Variants in MUC5AC observed in about 807,000 individuals in gnomAD.
The protein encoded by MUC5AC is mucin 5AC, oligomeric mucus/gel-forming.
MUC5AC carries 158 observed loss-of-function variants against 169.7 expected under a neutral mutation model. That is an observed-to-expected ratio of 0.93 (90% CI 0.82 to 1.06). The LOEUF (loss-of-function observed/expected upper bound fraction) is 1.06. MUC5AC is among the 50% of genes least tolerant of loss of function. The pLI, the probability that MUC5AC is intolerant of heterozygous loss-of-function variation, is 0.00. For synonymous variants in MUC5AC, 1,975 were observed against 1,237.0 expected, an observed-to-expected ratio of 1.60 and a Z score of -12.52; for missense variants, 4,359 against 3,089.9, an observed-to-expected ratio of 1.41 and a Z score of -9.74.
rs201170549 is a variant in MUC5AC at position 1,160,656 on chromosome 11, C to G, written c.118C>G (p.Pro40Ala). The change falls in exon 2 of 49, where the codon CCT becomes GCT. Residue 40 changes from proline to alanine, a missense_variant. Pro to Ala is a conservative substitution (Grantham distance 27). Coordinates refer to ENST00000621226, the MANE Select transcript of MUC5AC (RefSeq NM_001304359.2). ...GSSESSYKHH[P>A]ALSPIARGPS... ...CTCCGAATCCAGCTACAAGCACCACCCTGCCCTCTCTCCTATCGCCCGGGG... is the reference window on the plus strand; with the variant it reads ...CTCCGAATCCAGCTACAAGCACCACGCTGCCCTCTCTCCTATCGCCCGGGG... 1.2e-5 allele frequency: 19 copies of G among 1,610,700 alleles called. No individual in the cohort carries two copies. The highest frequency in any genetic ancestry group is 2.2e-5 in the East Asian group (1 of 44,872).
chr11:1,162,374 C>T (rs750695078), intron 4 of MUC5AC, among the ~76,000 whole-genome samples, 158 bp from the exon 5 acceptor site: 2 of 152,114 alleles, frequency 1.3e-5, no homozygotes, highest in Non-Finnish European at 2.9e-5. Flanking sequence ...CCCTTCCTAG[C>T]TCCTCGTGAC....
In MUC5AC at chr11:1,181,407, C is replaced by T. The variant is rs1372444101; in HGVS notation, c.3957C>T (p.Ser1319=). 1.4e-5 allele frequency: 5 copies of T among 358,600 alleles called. No individual in the cohort carries two copies. The highest frequency in any genetic ancestry group is 2.5e-5 in the Non-Finnish European group (5 of 203,738). The allele number at this position is 358,600 out of a possible 1,614,324, so 22.2% of individuals were successfully genotyped here. A position where few individuals can be genotyped will look rare whatever the true frequency, so the allele number is the denominator to read the frequency against. The change falls in exon 30 of 49, where the codon AGC becomes AGT. Residue 1319 remains serine, a synonymous_variant. Transcript: ENST00000621226. ...GTIERRVYPC[S]PTTPVPPTTF... ...TTGAGAGGAGGGTCTACCCCTGCAG[C>T]CCCACCACCCCTGTCCCCCCAACCA...
rs1205521125 is a variant in MUC5AC, at chr11:1,178,524, G to C, written c.3168G>C (p.Gly1056=). 4 of 1,287,168 alleles carry C rather than the reference G, an allele frequency of 3.1e-6. No individual in the cohort carries two copies. The highest frequency in any genetic ancestry group is 3.1e-6 in the Non-Finnish European group (3 of 979,552). 79.7% of individuals were successfully genotyped at this position (1,287,168 alleles called of 1,614,324 possible). Reference sequence around the variant, plus strand: ...CCACGCGGAGCCGGTCTGTGGTGGGGGACGTGCTGGAGTTTGGGAACAGCT... The same window carrying C: ...CCACGCGGAGCCGGTCTGTGGTGGGCGACGTGCTGGAGTTTGGGAACAGCT... ...DFATRSRSVV[G]DVLEFGNSWK... The change falls in exon 25 of 49, where the codon GGG becomes GGC. Residue 1056 remains glycine, a synonymous_variant. Transcript: ENST00000621226.
At position 1,188,517 on chromosome 11, in the gene MUC5AC, C is replaced by T; in HGVS notation, c.10372C>T (p.Pro3458Ser). Reference protein sequence around the residue: ...SATTTSTTSAPTSSTTSTPQT... With the variant: ...SATTTSTTSASTSSTTSTPQT... ...TACTACAACCAGCACAACCTCTGCC[C>T]CTACAAGCAGCACAACCTCCACTCC... Residue 3458 changes from proline to serine, a missense_variant, in exon 31 of 49, where the codon CCT (proline) becomes TCT (serine). By Grantham distance (74) the Pro-to-Ser change is moderately conservative. Transcript: ENST00000621226. 2 of 731,248 alleles carry T rather than the reference C, an allele frequency of 2.7e-6. No homozygotes were observed. The highest frequency in any genetic ancestry group is 2.8e-5 in the South Asian group (2 of 70,200). 45.3% of individuals were successfully genotyped at this position (731,248 alleles called of 1,614,324 possible).
chr11:1,196,807 T>A (rs908269045), intron 39 of MUC5AC, 70 bp from the exon 40 acceptor site: 4 of 741,984 alleles, frequency 5.4e-6, no homozygotes, highest in African/African-American at 5.1e-5. Context: ...CTGGCCCCAA[T>A]ATGGGACCCT....
chr11:1,174,118 C>G (rs1860618299), intron 16 of MUC5AC, among the ~76,000 whole-genome samples: 1 of 152,242 alleles, frequency 6.6e-6, no homozygotes, highest in East Asian at 1.9e-4. Flanking sequence ...GCACTTCCAG[C>G]CCTACACTAG....
chr11:1,194,683 G>A lies in MUC5AC; in HGVS notation c.15190+13G>A. The A allele has an allele frequency of 1.4e-6, 1 of 737,514 alleles. No individual in the cohort carries two copies. Among genetic ancestry groups the A allele is most frequent in the Non-Finnish European group, 2.5e-6 (1 of 401,638 alleles). 45.7% of individuals were successfully genotyped at this position (737,514 alleles called of 1,614,324 possible). ...GAGGGCCAGTGCGGTGAGGCCACAGGGCTCCCGGGCATCGTCTGGCATTCG... is the reference window on the plus strand; with the variant it reads ...GAGGGCCAGTGCGGTGAGGCCACAGAGCTCCCGGGCATCGTCTGGCATTCG... On this transcript the variant is annotated intron_variant, in intron 35 of 48. Transcript: ENST00000621226.
intron 5 of MUC5AC, 64 bp from the exon 6 acceptor site, chr11:1,162,891 C>G: frequency 6.7e-7 from 1 of 1,496,560 alleles, no homozygotes; most frequent in Non-Finnish European, 9.3e-7. Flanking sequence ...AAATCTCAGG[C>G]TCGAGCCTCA....
In MUC5AC at chr11:1,191,463, A is replaced by G. The variant is rs1861094612; in HGVS notation, c.13318A>G (p.Thr4440Ala). The change falls in exon 31 of 49, where the codon ACT (threonine) becomes GCT (alanine). Residue 4440 changes from threonine (T) to alanine (A), a missense_variant. Coordinates refer to ENST00000621226, the MANE Select transcript of MUC5AC (RefSeq NM_001304359.2). Reference protein sequence around the residue: ...TASTTSGPGTTPSPVPTTSTT... With the variant: ...TASTTSGPGTAPSPVPTTSTT... ...CAGCACAACCTCTGGTCCTGGAACT[A>G]CTCCCAGCCCTGTTCCCACCACAAG... is the stretch of plus-strand genomic sequence containing the variant. 5.3e-6 allele frequency: 4 copies of G among 748,044 alleles called. No homozygotes were observed. Among genetic ancestry groups the G allele is most frequent in the South Asian group, 1.4e-5 (1 of 72,970 alleles). 46.3% of individuals were successfully genotyped at this position (748,044 alleles called of 1,614,324 possible). A position where few individuals can be genotyped will look rare whatever the true frequency, so the allele number is the denominator to read the frequency against.
chr11:1,197,816 G>A (rs1030602437), intron 41 of MUC5AC, 87 bp from the exon 42 acceptor site: 59 of 657,486 alleles, frequency 9.0e-5, no homozygotes, highest in Middle Eastern at 7.8e-4. Context: ...CTGTCTAGGC[G>A]GTCCGCAATC....
At chr11:1,198,210 T>C (rs963756607) in intron 42 of MUC5AC, 58 bp from the exon 43 acceptor site, 6 of 719,194 alleles carry the variant, frequency 8.3e-6, no homozygotes, top group Non-Finnish European at 1.5e-5. Context: ...GCGGGAATGC[T>C]GAGGGTGAGG....
chr11:1,160,098 A>G (rs1860094386), intron 1 of MUC5AC, among the ~76,000 whole-genome samples: 1 of 151,988 alleles, frequency 6.6e-6, no homozygotes, highest in Non-Finnish European at 1.5e-5. Flanking sequence ...GCCGGGCTGA[A>G]ATCTGGTGAC....
At position 1,165,360 on chromosome 11, in the gene MUC5AC, C is replaced by T. The variant is rs746543190; in HGVS notation, c.1188C>T (p.Cys396=). ...GTGTCCCTGTGTCAAAGTGTGCCTG[C>T]GTCTACAACGGGGCTGCCTATGCCC... ...TGCVPVSKCA[C]VYNGAAYAPG... Residue 396 remains cysteine, a synonymous_variant, in exon 10 of 49, where the codon TGC becomes TGT. Transcript: ENST00000621226. The T allele has an allele frequency of 2.2e-5, 36 of 1,612,458 alleles. No homozygotes were observed. Among genetic ancestry groups the T allele is most frequent in the South Asian group, 5.5e-5 (5 of 91,078 alleles).
intron 25 of MUC5AC, among the ~76,000 whole-genome samples, 189 bp from the exon 26 acceptor site, chr11:1,178,903 G>A (rs1326202604): frequency 6.6e-6 from 1 of 152,190 alleles, no homozygotes; most frequent in Non-Finnish European, 1.5e-5. Context: ...TAACCCCAAG[G>A]GCTGCCGAGG....
Position 1,184,882 on chromosome 11 carries a change from C to T in MUC5AC, c.6737C>T (p.Ser2246Phe). ...ACCAGCCCAACTCAGAGCACCTCCTCTTGGCAGAAATCCAGGACAACCACT... is the reference window on the plus strand; with the variant it reads ...ACCAGCCCAACTCAGAGCACCTCCTTTTGGCAGAAATCCAGGACAACCACT... ...RATSPTQSTS[S>F]WQKSRTTTLV... Residue 2246 changes from serine (S) to phenylalanine (F), a missense_variant, in exon 31 of 49, where the codon TCT (serine) becomes TTT (phenylalanine). Physicochemically the swap from Ser to Phe is radical, Grantham distance 155. Coordinates refer to ENST00000621226, the MANE Select transcript of MUC5AC (RefSeq NM_001304359.2). 1.6e-6 allele frequency: 1 copy of T among 633,978 alleles called. No individual in the cohort carries two copies. The highest frequency in any genetic ancestry group is 2.8e-6 in the Non-Finnish European group (1 of 355,184). The allele number at this position is 633,978 out of a possible 1,614,324, so 39.3% of individuals were successfully genotyped here.
chr11:1,190,054 CT>C lies in MUC5AC; in HGVS notation c.11910del (p.Gly3971AspfsTer40), dbSNP rs2133764868. 1 of 764,888 alleles carries C rather than the reference CT, an allele frequency of 1.3e-6. No individual in the cohort carries two copies. The highest frequency in any genetic ancestry group is 1.3e-5 in the South Asian group (1 of 74,594). The allele number at this position is 764,888 out of a possible 1,614,324, so 47.4% of individuals were successfully genotyped here. A position where few individuals can be genotyped will look rare whatever the true frequency, so the allele number is the denominator to read the frequency against. Reference protein sequence around the residue: ...TKWFDVDFPSPGPHGGDKETY... With the variant: ...TKWFDVDFPSXGPHGGDKETY... ...TGGTTTGACGTGGACTTTCCATCCC[CT>C]GGACCCCACGGTGGGGACAAGGAAA... On this transcript the variant is annotated frameshift_variant, in exon 31 of 49. Coordinates refer to ENST00000621226, the MANE Select transcript of MUC5AC (RefSeq NM_001304359.2). LOFTEE classifies it high-confidence loss of function.
chr11:1,196,702 G>T lies in MUC5AC; in HGVS notation c.15811G>T (p.Val5271Leu), dbSNP rs539388830. ...CTTCAGCACCAGTGCCCAAGTCTGC[G>T]TGCCCACGGGCTGCCCCAGTACGTG... is the stretch of plus-strand genomic sequence containing the variant. Reference protein sequence around the residue: ...TLFSTSAQVCVPTGCPRCLGP... With the variant: ...TLFSTSAQVCLPTGCPRCLGP... The change falls in exon 39 of 49, where the codon GTG becomes TTG. Residue 5271 changes from valine (V) to leucine (L), a missense_variant. Transcript: ENST00000621226. The T allele has an allele frequency of 1.3e-6, 1 of 758,724 alleles. No homozygotes were observed. The highest frequency in any genetic ancestry group is 1.7e-5 in the Admixed American group (1 of 58,234). 47.0% of individuals were successfully genotyped at this position (758,724 alleles called of 1,614,324 possible).
chr11:1,166,869 C>T (rs1299661183), intron 11 of MUC5AC, among the ~76,000 whole-genome samples: 1 of 61,966 alleles, frequency 1.6e-5, no homozygotes, highest in South Asian at 1.1e-3. Context: ...AACACACAGT[C>T]TCCCCAAGAT....
Position 1,188,427 on chromosome 11 carries a change from A to G in MUC5AC, c.10282A>G (p.Thr3428Ala), listed in dbSNP as rs1382176814. ...AAGCAGCACAATCTCTGCTCGTACA[A>G]CCAGCATAATCTCTGCCCCTACAAC... ...PTSSTISART[T>A]SIISAPTTST... The change falls in exon 31 of 49, where the codon ACC (threonine) becomes GCC (alanine). Residue 3428 changes from threonine to alanine, a missense_variant. Physicochemically the swap from Thr to Ala is moderately conservative, Grantham distance 58. Transcript: ENST00000621226. The G allele has an allele frequency of 3.2e-6, 2 of 631,266 alleles. No individual in the cohort carries two copies. Among genetic ancestry groups the G allele is most frequent in the African/African-American group, 3.6e-5 (2 of 55,148 alleles). 39.1% of individuals were successfully genotyped at this position (631,266 alleles called of 1,614,324 possible). A position where few individuals can be genotyped will look rare whatever the true frequency, so the allele number is the denominator to read the frequency against.
Sources: gnomAD v4.1 joint callset for allele counts (sites outside exome capture counted in the v4.1 genomes callset) on GRCh38, gnomAD v4.1.1 for gene constraint, MANE v1.5 for transcripts, NCBI Gene and HGNC (gene_info 2026-07-23, HGNC 2026-07-21) for gene names.